The following TJP1 variants were observed in gnomAD, a reference collection of about 807,000 sequenced individuals.
The protein encoded by TJP1 is tight junction protein ZO-1.
TJP1 carries 43 observed loss-of-function variants against 194.2 expected under a neutral mutation model. The observed-to-expected ratio is 0.22, with a 90% CI of 0.17 to 0.29. The LOEUF is 0.29. Ranked by LOEUF, TJP1 falls within the 10% of genes least tolerant of loss-of-function variation. TJP1 has a pLI of 1.00. For synonymous variants in TJP1, 801 were observed against 779.0 expected (o/e 1.03, Z -0.47); for missense variants, 1,971 against 2,185.7 (o/e 0.90, Z 1.96).
chr15:29,882,335 T>C lies in TJP1; in HGVS notation c.306+73897A>G, dbSNP rs546335224. 2.6e-5 allele frequency among the ~76,000 whole-genome samples: 4 copies of C among 152,348 alleles called. No homozygotes were observed. In the East Asian group the frequency reaches 7.7e-4, roughly 29 times the overall value. ...TCAAAGCTATAACTACAGAGCCGAC[T>C]TTAAATATGAAATGGCTTTCATACC... On this transcript the variant is annotated intron_variant, in intron 2 of 28. Transcript: ENST00000356107.
chr15:29,766,424 C>T lies in TJP1; in HGVS notation c.431G>A (p.Ser144Asn), dbSNP rs2046336283. ...CTCACTCCTTCTGTTAACCACACCA[C>T]TCCGGCCACTTCTTGGATCATGTAT... ...EEIHDPRSGR[S>N]GVVNRRSEKI... The change falls in exon 5 of 28, where the codon AGT becomes AAT. Residue 144 changes from serine to asparagine, a missense_variant. By Grantham distance (46) the Ser-to-Asn change is conservative. Transcript: ENST00000614355. 4 of 1,614,084 alleles carry T rather than the reference C, an allele frequency of 2.5e-6. No individual in the cohort carries two copies. In the South Asian group the frequency reaches 4.4e-5, roughly 18 times the overall value.
intron 1 of TJP1, among the ~76,000 whole-genome samples, chr15:29,816,745 G>A (rs1231684983): frequency 6.6e-6 from 1 of 152,088 alleles, no homozygotes; most frequent in Non-Finnish European, 1.5e-5. Flanking sequence ...GCCATTTTCT[G>A]CAGCTCTTAA....
chr15:29,961,539 G>A (rs1247422244), intron 1 of TJP1, among the ~76,000 whole-genome samples: 4 of 151,970 alleles, frequency 2.6e-5, no homozygotes, highest in Admixed American at 2.0e-4. Context: ...GAAAACTTCT[G>A]CCTCTCTCCA....
intron 16 of TJP1, 80 bp downstream of exon 16, chr15:29,727,857 T>G (rs1566908179): frequency 8.3e-7 from 1 of 1,210,986 alleles, no homozygotes; most frequent in African/African-American, 1.5e-5. Context: ...AAAACTACCT[T>G]CTACTTTCAA....
rs1212384121 is a variant in TJP1, at chr15:29,822,286, C to T, written c.-258G>A. 2 of 1,141,528 alleles carry T rather than the reference C, an allele frequency of 1.8e-6. No individual in the cohort carries two copies. The highest frequency in any genetic ancestry group is 4.4e-5 in the South Asian group (1 of 22,714). 70.7% of individuals were successfully genotyped at this position (1,141,528 alleles called of 1,614,324 possible). ...CCTCCGAGCGCGGCCACCCACTCGG[C>T]CTCCCGCAGCTTTCGCAGCCCGGCC... On this transcript the variant is annotated 5_prime_UTR_variant, in exon 1 of 28. Coordinates refer to ENST00000614355, the MANE Select transcript of TJP1 (RefSeq NM_001330239.4).
chr15:29,904,488 G>T (rs558765440), intron 2 of TJP1, among the ~76,000 whole-genome samples: 1 of 151,798 alleles, frequency 6.6e-6, no homozygotes, highest in African/African-American at 2.4e-5. Context: ...ATAAACTACA[G>T]ATTGTTCCAG....
chr15:29,925,592 A>C (rs1190714031), intron 2 of TJP1, among the ~76,000 whole-genome samples: 1 of 152,172 alleles, frequency 6.6e-6, no homozygotes, highest in East Asian at 1.9e-4. Context: ...TATTCTTAGA[A>C]ATACACAAAT....
chr15:29,814,208 A>G (rs2151962961), intron 1 of TJP1, among the ~76,000 whole-genome samples: 1 of 152,360 alleles, frequency 6.6e-6, no homozygotes, highest in South Asian at 2.1e-4. Flanking sequence ...CACCTCCTCC[A>G]ACGAAGAAAG....
At chr15:29,949,256 T>A (rs200286484) in intron 2 of TJP1, among the ~76,000 whole-genome samples, 6,598 of 41,128 alleles carry the variant, frequency 0.16, 1,104 homozygotes, top group East Asian at 0.31. Flanking sequence ...CACCACCACC[T>A]CCACCACCAC....
In TJP1 at chr15:29,792,887, G is replaced by A. The variant is rs150742756; in HGVS notation, c.84+7759C>T. On this transcript the variant is annotated intron_variant, in intron 2 of 27. Coordinates refer to ENST00000614355, the MANE Select transcript of TJP1 (RefSeq NM_001330239.4). ...TTTTATTTGTAGCTATTGGAAATAA[G>A]ATTATTTTCTTGGTTTATTTTCTAG... is the stretch of plus-strand genomic sequence containing the variant. Among the ~76,000 whole-genome samples, 445 of 152,238 alleles carry A rather than the reference G, an allele frequency of 2.9e-3. 8 individuals are homozygous for A. Among genetic ancestry groups the A allele is most frequent in the African/African-American group, 0.01 (419 of 41,554 alleles).
In TJP1 at chr15:29,701,223, A is replaced by G. The variant is rs951500278; in HGVS notation, c.*372T>C. 2.7e-5 allele frequency: 5 copies of G among 187,484 alleles called. No homozygotes were observed. Among genetic ancestry groups the G allele is most frequent in the Non-Finnish European group, 5.6e-5 (5 of 89,752 alleles). 11.6% of individuals were successfully genotyped at this position (187,484 alleles called of 1,614,324 possible). On this transcript the variant is annotated 3_prime_UTR_variant, in exon 28 of 28. Transcript: ENST00000614355. Reference sequence around the variant, plus strand: ...ACGTATGCTAGGCCAGGGCCATAGTAAAGTTTGAAACAGTGTACTTTGGAA... The same window carrying G: ...ACGTATGCTAGGCCAGGGCCATAGTGAAGTTTGAAACAGTGTACTTTGGAA...
chr15:29,927,150 T>C (rs900639265), intron 2 of TJP1, among the ~76,000 whole-genome samples: 11 of 152,260 alleles, frequency 7.2e-5, no homozygotes, highest in African/African-American at 2.6e-4. Flanking sequence ...TGAAACCCCA[T>C]CTGTACTAAA....
chr15:29,773,497 T>G (rs1021478423), intron 2 of TJP1, 140 bp from the exon 3 acceptor site: 2 of 755,182 alleles, frequency 2.6e-6, no homozygotes, highest in African/African-American at 3.5e-5. Context: ...CCTGCATGGT[T>G]ACCTATTAGA....
intron 2 of TJP1, among the ~76,000 whole-genome samples, chr15:29,877,705 C>T (rs963935317): frequency 2.7e-5 from 4 of 150,558 alleles, no homozygotes; most frequent in African/African-American, 9.8e-5. Flanking sequence ...GTTGCCCAGG[C>T]TGGAGTGCAG....
intron 2 of TJP1, among the ~76,000 whole-genome samples, chr15:29,949,177 C>A (rs1596308567): frequency 6.7e-6 from 1 of 149,896 alleles, no homozygotes; most frequent in African/African-American, 2.5e-5. Context: ...CCACCACCAC[C>A]TCCATCACCT....
In TJP1 at chr15:29,720,339, T is replaced by C. The variant is rs749279836; in HGVS notation, c.2763+19A>G. 1 of 1,533,696 alleles carries C rather than the reference T, an allele frequency of 6.5e-7. No individual in the cohort carries two copies. The highest frequency in any genetic ancestry group is 2.1e-5 in the Admixed American group (1 of 47,202). On this transcript the variant is annotated intron_variant, in intron 19 of 27. Transcript: ENST00000614355. ...ATAATGCACCTCTATCTACAAAACG[T>C]TGAATGCTTGCTGCTTACCTGTTGA... is the stretch of plus-strand genomic sequence containing the variant.
intron 2 of TJP1, among the ~76,000 whole-genome samples, chr15:29,916,153 C>CA (rs1321507127): frequency 6.8e-6 from 1 of 147,450 alleles, no homozygotes; most frequent in African/African-American, 2.5e-5. Flanking sequence ...GCTGAGGCAG[C>CA]AAAATCACCT....
At chr15:29,705,971 G>C (rs953507022) in intron 25 of TJP1, among the ~76,000 whole-genome samples, 1 of 152,070 alleles carries the variant, frequency 6.6e-6, no homozygotes, top group Admixed American at 6.5e-5. Context: ...TCACTCTGTC[G>C]CCCAGGCTGG....
At chr15:29,732,210 A>G in intron 15 of TJP1, 1 of 548,696 alleles carries the variant, frequency 1.8e-6, no homozygotes, top group Non-Finnish European at 3.2e-6. Flanking sequence ...TGCAATTTTC[A>G]TATGAAGCCA....
Sources: allele counts gnomAD v4.1 joint callset (sites outside exome capture counted in the v4.1 genomes callset), GRCh38; gene constraint gnomAD v4.1.1; transcripts MANE v1.5; gene names NCBI Gene and HGNC (gene_info 2026-07-23, HGNC 2026-07-21).